The following DSCAM variants were observed in gnomAD, a reference collection of about 807,000 sequenced individuals.
DSCAM encodes the protein DS cell adhesion molecule, also known as cell adhesion molecule DSCAM.
Under a neutral mutation model 217.7 loss-of-function variants are expected in DSCAM, and 47 were observed. The observed-to-expected ratio is 0.22, with a 90% CI of 0.17 to 0.28. The LOEUF is 0.28. Among genes scored for constraint, DSCAM ranks in the 10% least tolerant of loss-of-function variants. DSCAM has a pLI of 1.00. For missense variants in DSCAM, 2,080 were observed against 2,618.3 expected (o/e 0.79, Z 4.49); for synonymous variants, 1,056 against 1,015.3 (o/e 1.04, Z -0.76).
chr21:40,562,036 T>C (rs1189872030), intron 3 of DSCAM, among the ~76,000 whole-genome samples: 2 of 152,216 alleles, frequency 1.3e-5, no homozygotes, highest in African/African-American at 2.4e-5. Context: ...CACATCGTGG[T>C]CTCTCCTTAT....
intron 1 of DSCAM, among the ~76,000 whole-genome samples, chr21:40,745,052 T>C (rs950922561): frequency 4.6e-5 from 7 of 152,266 alleles, no homozygotes; most frequent in African/African-American, 1.4e-4. Flanking sequence ...AAATCTTCAA[T>C]AGCAGACTTA....
At chr21:40,303,906 C>T (rs943988467) in intron 9 of DSCAM, among the ~76,000 whole-genome samples, 1 of 152,182 alleles carries the variant, frequency 6.6e-6, no homozygotes, top group South Asian at 2.1e-4. Flanking sequence ...AACGGCCCTC[C>T]TTTGGAATCA....
At chr21:40,218,686 CTTG>C (rs1343314051) in intron 11 of DSCAM, among the ~76,000 whole-genome samples, 1 of 151,150 alleles carries the variant, frequency 6.6e-6, no homozygotes, top group Non-Finnish European at 1.5e-5. Flanking sequence ...TTCTGTAATT[CTTG>C]TTGTAGAGAT....
At chr21:40,421,469 A>G (rs138213591) in intron 3 of DSCAM, among the ~76,000 whole-genome samples, 13 of 152,350 alleles carry the variant, frequency 8.5e-5, no homozygotes, top group African/African-American at 3.1e-4. Context: ...TTTTTGAAGA[A>G]TTACATTTGT....
intron 3 of DSCAM, among the ~76,000 whole-genome samples, chr21:40,433,442 C>T (rs2145900550): frequency 6.6e-6 from 1 of 151,890 alleles, no homozygotes; most frequent in Admixed American, 6.6e-5. Context: ...TTCATATGGG[C>T]TCCTTCTGCT....
At chr21:40,348,560 C>T (rs189177349) in intron 5 of DSCAM, among the ~76,000 whole-genome samples, 47 of 152,274 alleles carry the variant, frequency 3.1e-4, no homozygotes, top group Non-Finnish European at 6.8e-4. Context: ...AATCATACTC[C>T]TAACAGTTCT....
At chr21:40,752,666 A>G (rs923587830) in intron 1 of DSCAM, among the ~76,000 whole-genome samples, 1 of 152,178 alleles carries the variant, frequency 6.6e-6, no homozygotes, top group Non-Finnish European at 1.5e-5. Flanking sequence ...CAGCCTGGGC[A>G]TCGGAGAAAG....
intron 11 of DSCAM, among the ~76,000 whole-genome samples, chr21:40,237,601 A>G (rs547903742): frequency 1.1e-4 from 16 of 152,198 alleles, no homozygotes; most frequent in Non-Finnish European, 2.2e-4. Flanking sequence ...CATTTTCTTT[A>G]TCAAGTCTAT....
At chr21:40,149,594 ACCAC>A (rs1373694148) in intron 16 of DSCAM, among the ~76,000 whole-genome samples, 1 of 144,734 alleles carries the variant, frequency 6.9e-6, no homozygotes, top group Admixed American at 6.8e-5. Flanking sequence ...CACCACTGTC[ACCAC>A]CACCATCCAT....
chr21:40,131,767 T>G (rs912845802), intron 19 of DSCAM, among the ~76,000 whole-genome samples: 1 of 152,178 alleles, frequency 6.6e-6, no homozygotes, highest in African/African-American at 2.4e-5. Flanking sequence ...AAAGTGGGAT[T>G]CATGGCATCT....
intron 3 of DSCAM, among the ~76,000 whole-genome samples, chr21:40,537,328 T>C (rs558119914): frequency 9.9e-5 from 15 of 152,260 alleles, no homozygotes; most frequent in Admixed American, 5.9e-4. Context: ...ATTTATGACA[T>C]AGATCGGTGC....
At chr21:40,419,507 C>G (rs2075403107) in intron 3 of DSCAM, among the ~76,000 whole-genome samples, 1 of 152,070 alleles carries the variant, frequency 6.6e-6, no homozygotes, top group South Asian at 2.1e-4. Context: ...GTCAATGGAA[C>G]AGAATATGCA....
chr21:40,665,591 C>G (rs547614356), intron 3 of DSCAM, among the ~76,000 whole-genome samples: 1 of 152,312 alleles, frequency 6.6e-6, no homozygotes, highest in African/African-American at 2.4e-5. Context: ...AGCCCCCACT[C>G]CTGTTGTTCA....
chr21:40,568,039 G>A (rs2076778523), intron 3 of DSCAM, among the ~76,000 whole-genome samples: 1 of 152,038 alleles, frequency 6.6e-6, no homozygotes, highest in African/African-American at 2.4e-5. Context: ...TAGTGTTCTT[G>A]ATAGTGTAGA....
intron 8 of DSCAM, among the ~76,000 whole-genome samples, chr21:40,318,071 T>C (rs762065639): frequency 1.3e-5 from 2 of 151,536 alleles, no homozygotes; most frequent in Non-Finnish European, 2.9e-5. Context: ...ATCCAGTCTA[T>C]CATTGTCGCA....
At chr21:40,700,735 CTT>C (rs775869471) in intron 2 of DSCAM, among the ~76,000 whole-genome samples, 24 of 137,914 alleles carry the variant, frequency 1.7e-4, no homozygotes, top group East Asian at 2.1e-4. Flanking sequence ...TTCTTTCTTT[CTT>C]TTTTTTTTTT....
chr21:40,594,894 T>A (rs1203916063), intron 3 of DSCAM, among the ~76,000 whole-genome samples: 1 of 152,130 alleles, frequency 6.6e-6, no homozygotes, highest in Non-Finnish European at 1.5e-5. Context: ...CTTGAGAATG[T>A]TTCATGCTCT....
intron 3 of DSCAM, among the ~76,000 whole-genome samples, chr21:40,669,410 T>C (rs924924399): frequency 6.6e-6 from 1 of 152,110 alleles, no homozygotes; most frequent in Non-Finnish European, 1.5e-5. Flanking sequence ...ACTCATTAAA[T>C]GAAGAGTCAT....
intron 3 of DSCAM, among the ~76,000 whole-genome samples, chr21:40,506,032 C>T (rs940962141): frequency 2.0e-5 from 3 of 152,162 alleles, no homozygotes; most frequent in African/African-American, 4.8e-5. Flanking sequence ...AAGTGAACCA[C>T]GGATATGATA....
Sources: gnomAD v4.1 joint callset for allele counts (sites outside exome capture counted in the v4.1 genomes callset) on GRCh38, gnomAD v4.1.1 for gene constraint, MANE v1.5 for transcripts, NCBI Gene and HGNC (gene_info 2026-07-23, HGNC 2026-07-21) for gene names.